Variants in USP13 observed in about 807,000 individuals in gnomAD.
The protein encoded by USP13 is ubiquitin specific peptidase 13, also known as ubiquitin carboxyl-terminal hydrolase 13.
In USP13, 68 loss-of-function variants were observed where a neutral mutation model predicts 107.8. The observed-to-expected ratio is 0.63, with a 90% CI of 0.52 to 0.77. The LOEUF (loss-of-function observed/expected upper bound fraction) is 0.77. Ranked by LOEUF, USP13 falls within the 30% of genes least tolerant of loss-of-function variation. The probability of loss-of-function intolerance (pLI) is 0.00; values close to 1 mark genes in which losing one functional copy is unlikely to be tolerated. For synonymous variants in USP13, 377 were observed against 389.5 expected, an observed-to-expected ratio of 0.97 and a Z score of 0.38; for missense variants, 945 against 1,093.3, an observed-to-expected ratio of 0.86 and a Z score of 1.91.
intron 19 of USP13, among the ~76,000 whole-genome samples, chr3:179,767,313 A>AAT (rs1715205121): frequency 1.3e-5 from 2 of 152,338 alleles, no homozygotes; most frequent in Admixed American, 1.3e-4. Flanking sequence ...AAGGCTAAGT[A>AAT]ATAGCTTGTC....
At chr3:179,668,756 TC>T (rs764630316) in intron 1 of USP13, among the ~76,000 whole-genome samples, 16 of 152,154 alleles carry the variant, frequency 1.1e-4, no homozygotes, top group Non-Finnish European at 2.2e-4. Context: ...CCATTATATT[TC>T]CCCCTTCTGT....
In USP13 at chr3:179,760,832, A is replaced by C. The variant is rs983824196; in HGVS notation, c.1949-280A>C. ...AATGCTCTGAAATCGTTCTGGGAAT[A>C]CACTAAATCTCCCCATATGAAATTA... On this transcript the variant is annotated intron_variant, in intron 16 of 20. Coordinates refer to ENST00000263966, the MANE Select transcript of USP13 (RefSeq NM_003940.3). 3.3e-5 allele frequency among the ~76,000 whole-genome samples: 5 copies of C among 152,320 alleles called. No individual in the cohort carries two copies. The East Asian group carries it at 9.7e-4, about 29-fold the overall frequency.
chr3:179,705,444 T>C (rs1286089542), intron 4 of USP13, among the ~76,000 whole-genome samples: 2 of 152,180 alleles, frequency 1.3e-5, no homozygotes, highest in Non-Finnish European at 2.9e-5. Flanking sequence ...TCCTCCATGC[T>C]CCGCCTGTGG....
intron 1 of USP13, among the ~76,000 whole-genome samples, chr3:179,654,986 C>CT (rs1373655022): frequency 6.6e-6 from 1 of 151,840 alleles, no homozygotes; most frequent in Non-Finnish European, 1.5e-5. Flanking sequence ...ATCGGCAGTC[C>CT]TTTTTTAGGA....
chr3:179,698,787 A>G (rs1425224047), intron 3 of USP13, among the ~76,000 whole-genome samples: 1 of 152,154 alleles, frequency 6.6e-6, no homozygotes, highest in Non-Finnish European at 1.5e-5. Context: ...TTGTGTTTTT[A>G]GCATTAACAT....
intron 3 of USP13, among the ~76,000 whole-genome samples, chr3:179,697,137 C>T (rs988794695): frequency 6.6e-6 from 1 of 151,938 alleles, no homozygotes; most frequent in East Asian, 1.9e-4. Context: ...TTTTTTTTGG[C>T]TTAGACCAGG....
chr3:179,764,313 G>A, intron 18 of USP13, 145 bp downstream of exon 18: 1 of 1,269,662 alleles, frequency 7.9e-7, no homozygotes, highest in Non-Finnish European at 1.0e-6. Flanking sequence ...AGCCCATAAA[G>A]ATTTATTTGC....
intron 13 of USP13, among the ~76,000 whole-genome samples, chr3:179,745,513 C>CCTTT (rs1017920875): frequency 6.7e-6 from 1 of 148,640 alleles, no homozygotes; most frequent in African/African-American, 2.6e-5. Context: ...TTCCTTCCTT[C>CCTTT]CTTTCTTTCT....
At chr3:179,675,748 A>G (rs1720876244) in intron 1 of USP13, among the ~76,000 whole-genome samples, 1 of 152,082 alleles carries the variant, frequency 6.6e-6, no homozygotes, top group Non-Finnish European at 1.5e-5. Flanking sequence ...AGGTTTCACC[A>G]TGTTGTCCAG....
At chr3:179,749,573 A>G (rs1461595334) in intron 13 of USP13, among the ~76,000 whole-genome samples, 2 of 152,232 alleles carry the variant, frequency 1.3e-5, no homozygotes, top group African/African-American at 4.8e-5. Flanking sequence ...ACAGATATAT[A>G]TTGAACAGTT....
intron 14 of USP13, among the ~76,000 whole-genome samples, chr3:179,754,362 A>G (rs1714714157): frequency 6.6e-6 from 1 of 152,218 alleles, no homozygotes; most frequent in Non-Finnish European, 1.5e-5. Context: ...GCTTTTCAAA[A>G]TAAGCTGGAA....
intron 1 of USP13, among the ~76,000 whole-genome samples, chr3:179,681,251 C>T (rs1374330904): frequency 1.3e-5 from 2 of 152,036 alleles, no homozygotes; most frequent in African/African-American, 4.8e-5. Context: ...TACAGAGAAA[C>T]GCCACACTTT....
intron 19 of USP13, among the ~76,000 whole-genome samples, chr3:179,766,594 G>A (rs1715183807): frequency 1.3e-5 from 2 of 152,308 alleles, no homozygotes; most frequent in South Asian, 4.1e-4. Flanking sequence ...AGGCGCCATA[G>A]GCCGTTGTTC....
intron 9 of USP13, among the ~76,000 whole-genome samples, 162 bp from the exon 10 acceptor site, chr3:179,730,454 A>G (rs148027747): frequency 6.6e-6 from 1 of 152,374 alleles, no homozygotes; most frequent in Non-Finnish European, 1.5e-5. Context: ...TGAAACTGGT[A>G]TCAGTATGAA....
intron 2 of USP13, among the ~76,000 whole-genome samples, chr3:179,688,509 C>T (rs1191382131): frequency 4.6e-5 from 7 of 152,242 alleles, no homozygotes; most frequent in African/African-American, 1.7e-4. Flanking sequence ...CACATGGGCA[C>T]AGTCATATTT....
chr3:179,694,799 CA>C (rs576517737), intron 3 of USP13, among the ~76,000 whole-genome samples: 46 of 82,138 alleles, frequency 5.6e-4, no homozygotes, highest in East Asian at 2.4e-3. Context: ...AACTCCATCT[CA>C]AAAAAAAAAA....
At chr3:179,782,972 T>G (rs1357979659) in intron 20 of USP13, among the ~76,000 whole-genome samples, 6 of 152,192 alleles carry the variant, frequency 3.9e-5, no homozygotes, top group Admixed American at 6.5e-5. Flanking sequence ...CCCAAACTCC[T>G]GACCTCAAGT....
At chr3:179,753,775 T>G (rs1420304030) in intron 14 of USP13, among the ~76,000 whole-genome samples, 2 of 152,210 alleles carry the variant, frequency 1.3e-5, no homozygotes, top group Non-Finnish European at 2.9e-5. Context: ...TTTCAGGTTG[T>G]TTGCTAGCCC....
intron 3 of USP13, among the ~76,000 whole-genome samples, chr3:179,694,138 T>G (rs959231850): frequency 1.4e-4 from 21 of 151,924 alleles, no homozygotes; most frequent in African/African-American, 4.8e-4. Context: ...CATGCCTGGC[T>G]AATTTTTGTA....
Sources: gnomAD v4.1 joint callset for allele counts (sites outside exome capture counted in the v4.1 genomes callset) on GRCh38, gnomAD v4.1.1 for gene constraint, MANE v1.5 for transcripts, NCBI Gene and HGNC (gene_info 2026-07-23, HGNC 2026-07-21) for gene names.